Variants in MYO10 observed in about 807,000 individuals in gnomAD.
MYO10 encodes myosin X.
In MYO10, 133 loss-of-function variants were observed where a neutral mutation model predicts 257.3. The observed-to-expected ratio is 0.52, with a 90% confidence interval of 0.45 to 0.60. The LOEUF (loss-of-function observed/expected upper bound fraction) is 0.60, where lower values mean the gene tolerates loss of function less well. MYO10 is among the 20% of genes least tolerant of loss of function. The pLI, the probability that MYO10 is intolerant of heterozygous loss-of-function variation, is 0.00. For synonymous variants in MYO10, 1,104 were observed against 1,028.6 expected (o/e 1.07, Z -1.40); for missense variants, 2,399 against 2,635.7 (o/e 0.91, Z 1.97).
intron 1 of MYO10, among the ~76,000 whole-genome samples, chr5:16,894,778 C>T (rs920309295): frequency 2.6e-5 from 4 of 152,074 alleles, no homozygotes; most frequent in African/African-American, 4.8e-5. Flanking sequence ...AGGACTGGAG[C>T]CTGCGGTGTT....
At chr5:16,838,093 A>G (rs1743366779) in intron 2 of MYO10, among the ~76,000 whole-genome samples, 1 of 152,096 alleles carries the variant, frequency 6.6e-6, no homozygotes, top group South Asian at 2.1e-4. Flanking sequence ...ACACAACAAT[A>G]TTGAAATTGG....
intron 25 of MYO10, among the ~76,000 whole-genome samples, chr5:16,700,588 G>C (rs1400499322): frequency 6.6e-6 from 1 of 151,420 alleles, no homozygotes; most frequent in Non-Finnish European, 1.5e-5. Context: ...GAGGCAGCAG[G>C]ATAGCTTGGA....
intron 2 of MYO10, among the ~76,000 whole-genome samples, chr5:16,863,619 C>A (rs1039981898): frequency 6.6e-6 from 1 of 152,194 alleles, no homozygotes; most frequent in African/African-American, 2.4e-5. Context: ...TCAGGGTTTA[C>A]AATGCCATAC....
chr5:16,771,531 G>A (rs10053767), intron 9 of MYO10, among the ~76,000 whole-genome samples: 29,693 of 146,518 alleles, frequency 0.2, 3,103 homozygotes, highest in Middle Eastern at 0.23. Flanking sequence ...CCAAATCTAG[G>A]AACTTACTAT....
At chr5:16,711,420 C>T (rs1242222496) in intron 19 of MYO10, among the ~76,000 whole-genome samples, 175 bp from the exon 20 acceptor site, 1 of 152,196 alleles carries the variant, frequency 6.6e-6, no homozygotes, top group Admixed American at 6.5e-5. Flanking sequence ...ACCATCACCT[C>T]GCCTTAACAA....
chr5:16,931,871 T>C (rs1341923551), intron 1 of MYO10, among the ~76,000 whole-genome samples: 1 of 152,130 alleles, frequency 6.6e-6, no homozygotes, highest in East Asian at 1.9e-4. Context: ...AATAACAATG[T>C]CCACATTTTT....
At chr5:16,676,750 C>T (rs930202975) in intron 33 of MYO10, among the ~76,000 whole-genome samples, 3 of 152,106 alleles carry the variant, frequency 2.0e-5, no homozygotes, top group Non-Finnish European at 4.4e-5. Context: ...GTGGCTCATG[C>T]CTGTGCATTT....
At position 16,809,870 on chromosome 5, in the gene MYO10, A is replaced by T. The variant is rs532797596; in HGVS notation, c.279+8139T>A. Among the ~76,000 whole-genome samples, 157 of 152,242 alleles carry T rather than the reference A, an allele frequency of 1.0e-3. 1 individual carries two copies. The highest frequency in any genetic ancestry group is 3.7e-3 in the African/African-American group (155 of 41,528). ...AAGAGCTTCCTCTGGAGCCAGCCTC[A>T]ACACCATAATTGCAGGCGACCGCTG... On this transcript the variant is annotated intron_variant, in intron 3 of 40. Transcript: ENST00000513610.
chr5:16,774,253 T>C lies in MYO10; in HGVS notation c.931-5050A>G, dbSNP rs560104169. On this transcript the variant is annotated intron_variant, in intron 9 of 40. Transcript: ENST00000513610. The stretch of plus-strand genomic sequence containing the variant: ...TCATGCACAAAAGGAGCTCAGCTTG[T>C]CACCCTGGAAACAAAGGGAGGAGTG... Among the ~76,000 whole-genome samples, 8 of 152,200 alleles carry C rather than the reference T, an allele frequency of 5.3e-5. No homozygotes were observed. The East Asian group carries it at 1.5e-3, about 29-fold the overall frequency.
intron 19 of MYO10, among the ~76,000 whole-genome samples, chr5:16,716,997 C>A (rs1179880512): frequency 6.6e-6 from 1 of 152,100 alleles, no homozygotes; most frequent in East Asian, 1.9e-4. Context: ...GTCACCACAC[C>A]TGGCTAATTT....
At position 16,818,182 on chromosome 5, in the gene MYO10, G is replaced by T; in HGVS notation, c.121-15C>A. On this transcript the variant is annotated splice_polypyrimidine_tract_variant and intron_variant, in intron 2 of 40. Transcript: ENST00000513610. The stretch of plus-strand genomic sequence containing the variant: ...TAAGTGAATACCTGAGGGAGGGAGA[G>T]GAATTCAATTATTTCATTATCAGCA... 1 of 1,495,862 alleles carries T rather than the reference G, an allele frequency of 6.7e-7. No homozygotes were observed. The allele number at this position is 1,495,862 out of a possible 1,614,324, so 92.7% of individuals were successfully genotyped here.
chr5:16,821,922 GA>G (rs34424465), intron 2 of MYO10, among the ~76,000 whole-genome samples: 60,219 of 148,344 alleles, frequency 0.41, 12,593 homozygotes, highest in Non-Finnish European at 0.46. Context: ...GGAAGAGGGG[GA>G]AAAAAAAAAG....
chr5:16,788,964 G>A (rs1477118378), intron 4 of MYO10, among the ~76,000 whole-genome samples: 2 of 152,170 alleles, frequency 1.3e-5, no homozygotes, highest in Admixed American at 6.5e-5. Flanking sequence ...ATGCAGCAAT[G>A]TCCTCGGGTG....
At chr5:16,732,900 G>A (rs545290548) in intron 19 of MYO10, among the ~76,000 whole-genome samples, 399 of 152,264 alleles carry the variant, frequency 2.6e-3, no homozygotes, top group African/African-American at 9.0e-3. Flanking sequence ...TTGGGAGGCC[G>A]AGGTGCGCAG....
At chr5:16,836,896 T>C (rs1743328863) in intron 2 of MYO10, among the ~76,000 whole-genome samples, 1 of 152,180 alleles carries the variant, frequency 6.6e-6, no homozygotes, top group African/African-American at 2.4e-5. Context: ...TTACCATGAA[T>C]GTTCGTACCA....
intron 1 of MYO10, among the ~76,000 whole-genome samples, chr5:16,906,883 G>A (rs921140873): frequency 1.3e-5 from 2 of 152,152 alleles, no homozygotes; most frequent in East Asian, 1.9e-4. Flanking sequence ...AGGCCGAGGC[G>A]GGTGGATCAC....
chr5:16,770,703 G>GC (rs1411689937), intron 9 of MYO10, among the ~76,000 whole-genome samples: 1 of 152,226 alleles, frequency 6.6e-6, no homozygotes, highest in African/African-American at 2.4e-5. Flanking sequence ...CCGCTCTGAA[G>GC]CAACATAAAT....
chr5:16,909,735 T>C (rs1745610846), intron 1 of MYO10, among the ~76,000 whole-genome samples: 1 of 152,144 alleles, frequency 6.6e-6, no homozygotes, highest in African/African-American at 2.4e-5. Context: ...TGTTGACATC[T>C]GATCCCCAGT....
chr5:16,675,147 A>G lies in MYO10; in HGVS notation c.4670T>C (p.Leu1557Pro), dbSNP rs1323353825. The change falls in exon 35 of 41, where the codon CTC becomes CCC. Residue 1557 changes from leucine (L) to proline (P), a missense_variant. By Grantham distance (98) the Leu-to-Pro change is moderately conservative (BLOSUM62 -3). Coordinates refer to ENST00000513610, the MANE Select transcript of MYO10 (RefSeq NM_012334.3). ...AAGGGTGGTATAGCCTTTGTCTTTG[A>G]GCACTAGGACAAGCAAAACAAACAC... ...LPYGDINLNL[L>P]KDKGYTTLQD... 1 of 1,613,150 alleles carries G rather than the reference A, an allele frequency of 6.2e-7. No homozygotes were observed. Among genetic ancestry groups the G allele is most frequent in the African/African-American group, 1.3e-5 (1 of 74,920 alleles).
Sources: gnomAD v4.1 joint callset for allele counts (sites outside exome capture counted in the v4.1 genomes callset) on GRCh38, gnomAD v4.1.1 for gene constraint, MANE v1.5 for transcripts, NCBI Gene and HGNC (gene_info 2026-07-23, HGNC 2026-07-21) for gene names.